Variants in ANKFN1 observed in about 807,000 individuals in gnomAD.
ANKFN1 encodes ankyrin repeat and fibronectin type III domain containing 1.
Under a neutral mutation model 108.7 loss-of-function variants are expected in ANKFN1, and 74 were observed. The observed-to-expected ratio is 0.68, with a 90% CI of 0.56 to 0.83. ANKFN1 has a LOEUF of 0.83. Ranked by LOEUF, ANKFN1 falls within the 40% of genes least tolerant of loss-of-function variation. The pLI is 0.00. For missense variants in ANKFN1, 1,505 were observed against 1,382.3 expected (o/e 1.09, Z -1.41); for synonymous variants, 547 against 516.2 (o/e 1.06, Z -0.81).
chr17:56,147,886 T>C (rs957000628), intron 4 of ANKFN1, among the ~76,000 whole-genome samples: 1 of 152,230 alleles, frequency 6.6e-6, no homozygotes, highest in African/African-American at 2.4e-5. Flanking sequence ...TAGCTACAAC[T>C]TCTACTTGCC....
intron 2 of ANKFN1, among the ~76,000 whole-genome samples, chr17:56,226,616 C>A (rs987579798): frequency 1.3e-5 from 2 of 152,106 alleles, no homozygotes; most frequent in Non-Finnish European, 2.9e-5. Context: ...AGCAAAACCT[C>A]CATAGCTACC....
In ANKFN1 at chr17:56,174,272, C is replaced by G. The variant is rs549259890; in HGVS notation, c.-71+20742C>G. 1.1e-5 allele frequency: 11 copies of G among 985,606 alleles called. No individual in the cohort carries two copies. In the East Asian group the frequency reaches 1.0e-3, roughly 91 times the overall value. 61.1% of individuals were successfully genotyped at this position (985,606 alleles called of 1,614,324 possible). A position where few individuals can be genotyped will look rare whatever the true frequency, so the allele number is the denominator to read the frequency against. The stretch of plus-strand genomic sequence containing the variant: ...GAGCCCACTCAGCCCTCCAGAGACA[C>G]TCTTCACTGCAAAGCCTCAGGCAGC... On this transcript the variant is annotated intron_variant, in intron 1 of 20. Transcript: ENST00000682825.
chr17:56,108,363 C>T (rs1040817440), intron 4 of ANKFN1, among the ~76,000 whole-genome samples: 2 of 152,170 alleles, frequency 1.3e-5, no homozygotes, highest in African/African-American at 2.4e-5. Context: ...CATGCCTACA[C>T]GTTGAGTCAT....
chr17:56,167,217 T>G (rs920838354), intron 1 of ANKFN1, among the ~76,000 whole-genome samples: 2 of 148,506 alleles, frequency 1.3e-5, no homozygotes, highest in Non-Finnish European at 3.0e-5. Context: ...ATATATACAT[T>G]CATATGTGTG....
At chr17:56,219,167 C>A (rs1186161457) in intron 2 of ANKFN1, among the ~76,000 whole-genome samples, 1 of 152,048 alleles carries the variant, frequency 6.6e-6, no homozygotes, top group East Asian at 1.9e-4. Context: ...CATTATTGGA[C>A]AAAGGACAAT....
At chr17:56,454,618 C>A (rs1387530654) in intron 11 of ANKFN1, among the ~76,000 whole-genome samples, 1 of 152,150 alleles carries the variant, frequency 6.6e-6, no homozygotes, top group Non-Finnish European at 1.5e-5. Flanking sequence ...CCTGGCACCA[C>A]CTTTCCATTG....
chr17:56,359,265 G>A (rs1407657713), intron 6 of ANKFN1, among the ~76,000 whole-genome samples: 1 of 151,970 alleles, frequency 6.6e-6, no homozygotes, highest in Non-Finnish European at 1.5e-5. Flanking sequence ...CAGAATGTAG[G>A]GAAAAAAACC....
chr17:56,253,924 T>G (rs1008784875), intron 3 of ANKFN1, among the ~76,000 whole-genome samples: 1 of 152,138 alleles, frequency 6.6e-6, no homozygotes, highest in Non-Finnish European at 1.5e-5. Flanking sequence ...CATATGTATC[T>G]TCATATCTTC....
intron 14 of ANKFN1, among the ~76,000 whole-genome samples, chr17:56,464,957 CGA>C (rs147689981): frequency 6.6e-6 from 1 of 152,208 alleles, no homozygotes; most frequent in African/African-American, 2.4e-5. Flanking sequence ...TGTACTGGCC[CGA>C]GAGAGCCAAC....
chr17:56,440,939 G>A (rs2049083942), intron 9 of ANKFN1, among the ~76,000 whole-genome samples: 1 of 151,668 alleles, frequency 6.6e-6, no homozygotes, highest in Admixed American at 6.6e-5. Context: ...AACTATATAT[G>A]GTGGAGCTAT....
intron 20 of ANKFN1, among the ~76,000 whole-genome samples, chr17:56,504,672 A>G (rs1305160932): frequency 6.6e-6 from 1 of 150,852 alleles, no homozygotes. Context: ...TTTCTTTTTT[A>G]TGAGGCAGAG....
In ANKFN1 at chr17:56,413,232, G is replaced by A. The variant is rs115463687; in HGVS notation, c.911-27095G>A. 2.1e-3 allele frequency among the ~76,000 whole-genome samples: 326 copies of A among 152,266 alleles called. 1 individual carries two copies. The highest frequency in any genetic ancestry group is 7.4e-3 in the African/African-American group (308 of 41,538). ...TGTTTTGGCTGTTGGCTTGATTGTT[G>A]TTGGTATATAGGAATGCTAGTGAGT... On this transcript the variant is annotated intron_variant, in intron 8 of 20. Transcript: ENST00000682825.
intron 18 of ANKFN1, among the ~76,000 whole-genome samples, chr17:56,490,738 G>A (rs1433674032): frequency 6.6e-6 from 1 of 152,124 alleles, no homozygotes; most frequent in Non-Finnish European, 1.5e-5. Flanking sequence ...GAGAAGATGA[G>A]AAGGAAGGAT....
chr17:56,071,846 C>A (rs1905124592), intron 4 of ANKFN1, among the ~76,000 whole-genome samples: 1 of 152,204 alleles, frequency 6.6e-6, no homozygotes, highest in African/African-American at 2.4e-5. Flanking sequence ...CTTTCACCAC[C>A]TTTTATAGGC....
At chr17:56,217,937 T>C (rs188099813) in intron 2 of ANKFN1, among the ~76,000 whole-genome samples, 256 of 152,296 alleles carry the variant, frequency 1.7e-3, no homozygotes, top group African/African-American at 6.0e-3. Flanking sequence ...AACAGTTACA[T>C]GTCCCAGTGG....
At chr17:56,440,233 G>C in intron 8 of ANKFN1, 94 bp from the exon 9 acceptor site, 1 of 627,094 alleles carries the variant, frequency 1.6e-6, no homozygotes, top group Non-Finnish European at 2.7e-6. Flanking sequence ...TTCTGAGAGG[G>C]ATTGTATGCT....
intron 8 of ANKFN1, among the ~76,000 whole-genome samples, chr17:56,379,600 A>C (rs2047039172): frequency 2.6e-5 from 4 of 152,164 alleles, no homozygotes; most frequent in Admixed American, 2.6e-4. Flanking sequence ...GATGTTTTTC[A>C]ACTCAGTGAT....
chr17:56,217,457 T>C (rs184136802), intron 2 of ANKFN1, among the ~76,000 whole-genome samples: 73 of 152,304 alleles, frequency 4.8e-4, no homozygotes, highest in African/African-American at 1.7e-3. Flanking sequence ...TGGTTCTTAA[T>C]TGAGGAGGAA....
intron 3 of ANKFN1, among the ~76,000 whole-genome samples, chr17:56,240,965 GT>G (rs946315431): frequency 6.6e-6 from 1 of 150,904 alleles, no homozygotes. Context: ...TTTTTGGCCT[GT>G]TTTTTTTAAC....
Sources: gnomAD v4.1 joint callset for allele counts (sites outside exome capture counted in the v4.1 genomes callset) on GRCh38, gnomAD v4.1.1 for gene constraint, MANE v1.5 for transcripts, NCBI Gene and HGNC (gene_info 2026-07-23, HGNC 2026-07-21) for gene names.